The following DSCAM variants were observed in gnomAD, a reference collection of about 807,000 sequenced individuals.
DSCAM encodes DS cell adhesion molecule.
Under a neutral mutation model 217.7 loss-of-function variants are expected in DSCAM, and 47 were observed. That is an observed-to-expected ratio of 0.22 (90% CI 0.17 to 0.28). The LOEUF (loss-of-function observed/expected upper bound fraction) is 0.28, where lower values mean the gene tolerates loss of function less well. DSCAM is among the 10% of genes least tolerant of loss of function. The pLI is 1.00. For synonymous variants in DSCAM, 1,056 were observed against 1,015.3 expected, an observed-to-expected ratio of 1.04 and a Z score of -0.76; for missense variants, 2,080 against 2,618.3, an observed-to-expected ratio of 0.79 and a Z score of 4.49.
At chr21:40,291,251 G>C (rs2073888712) in intron 10 of DSCAM, among the ~76,000 whole-genome samples, 1 of 152,238 alleles carries the variant, frequency 6.6e-6, no homozygotes, top group Admixed American at 6.5e-5. Flanking sequence ...CAGCTCTCCG[G>C]CTGAAATTCC....
intron 11 of DSCAM, among the ~76,000 whole-genome samples, chr21:40,252,890 G>C (rs895188560): frequency 1.3e-5 from 2 of 152,210 alleles, no homozygotes; most frequent in Non-Finnish European, 2.9e-5. Context: ...TGGGTTACTA[G>C]AGAGTGCTAA....
chr21:40,453,765 G>T (rs964880584), intron 3 of DSCAM, among the ~76,000 whole-genome samples: 2 of 152,196 alleles, frequency 1.3e-5, no homozygotes, highest in African/African-American at 2.4e-5. Flanking sequence ...GTTATATAAA[G>T]TACAAACAGT....
intron 3 of DSCAM, among the ~76,000 whole-genome samples, chr21:40,665,048 G>A (rs1264737519): frequency 6.6e-6 from 1 of 152,176 alleles, no homozygotes; most frequent in Non-Finnish European, 1.5e-5. Context: ...ATGATTGCAA[G>A]CTTCCTGAGA....
chr21:40,118,953 T>C (rs1181791653), intron 20 of DSCAM, among the ~76,000 whole-genome samples: 1 of 152,192 alleles, frequency 6.6e-6, no homozygotes, highest in Non-Finnish European at 1.5e-5. Context: ...TTATGACAGA[T>C]TCTGGCTCGT....
intron 1 of DSCAM, among the ~76,000 whole-genome samples, chr21:40,766,559 G>T (rs1388362821): frequency 6.9e-6 from 1 of 145,054 alleles, no homozygotes; most frequent in East Asian, 2.1e-4. Flanking sequence ...TGCTAGAAGA[G>T]CATCAGATGG....
chr21:40,114,597 A>C (rs2089943899), intron 20 of DSCAM, among the ~76,000 whole-genome samples: 2 of 152,224 alleles, frequency 1.3e-5, no homozygotes, highest in South Asian at 2.1e-4. Flanking sequence ...TCTGCACAGC[A>C]AAAGAGACTA....
chr21:40,164,282 G>A (rs981480195), intron 16 of DSCAM, among the ~76,000 whole-genome samples: 18 of 152,036 alleles, frequency 1.2e-4, no homozygotes, highest in Middle Eastern at 3.2e-3. Context: ...GACAGGAGAG[G>A]TAAGCATGTT....
chr21:40,087,855 C>T (rs2089552594), intron 21 of DSCAM, among the ~76,000 whole-genome samples: 1 of 152,286 alleles, frequency 6.6e-6, no homozygotes, highest in African/African-American at 2.4e-5. Flanking sequence ...GATTCAGATG[C>T]CCAAACAGGA....
chr21:40,671,540 C>A (rs2090274470), intron 3 of DSCAM, among the ~76,000 whole-genome samples: 2 of 151,588 alleles, frequency 1.3e-5, no homozygotes, highest in South Asian at 4.2e-4. Flanking sequence ...CAAAAATTAG[C>A]CAGGTGTGGT....
At chr21:40,466,720 T>C (rs993078653) in intron 3 of DSCAM, among the ~76,000 whole-genome samples, 1 of 152,102 alleles carries the variant, frequency 6.6e-6, no homozygotes, top group Non-Finnish European at 1.5e-5. Context: ...TTTCCTCCAA[T>C]TTAAATGCCT....
intron 3 of DSCAM, among the ~76,000 whole-genome samples, chr21:40,495,923 A>C (rs1409712301): frequency 6.6e-6 from 1 of 152,176 alleles, no homozygotes. Context: ...AAATAGTCTC[A>C]TTTTTTACAG....
chr21:40,586,811 C>A lies in DSCAM; in HGVS notation c.508+105999G>T, dbSNP rs111284309. On this transcript the variant is annotated intron_variant, in intron 3 of 32. Transcript: ENST00000400454. The stretch of plus-strand genomic sequence containing the variant: ...CGCAATCCTCAGTTTGTTTCTAAAG[C>A]AAATTTCTGTACCTAACAACACAAT... Among the ~76,000 whole-genome samples, 764 of 152,260 alleles carry A rather than the reference C, an allele frequency of 5.0e-3. 6 individuals are homozygous for A. The highest frequency in any genetic ancestry group is 0.017 in the African/African-American group (714 of 41,542).
At chr21:40,050,096 G>A (rs2088904493) in intron 30 of DSCAM, among the ~76,000 whole-genome samples, 3 of 152,184 alleles carry the variant, frequency 2.0e-5, no homozygotes, top group Admixed American at 6.5e-5. Context: ...GTTTCTCAAT[G>A]TGGGGTCCAA....
rs146875349 is a variant in DSCAM, at chr21:40,017,239, C to T, written c.5687-3853G>A. On this transcript the variant is annotated intron_variant, in intron 32 of 32. Coordinates refer to ENST00000400454, the MANE Select transcript of DSCAM (RefSeq NM_001389.5). ...TACCCGTCTTGAAAATTTTTTTCCG[C>T]GAACAACAGGAGCAATGACCTTATT... Among the ~76,000 whole-genome samples the T allele has an allele frequency of 3.0e-3, 449 of 152,110 alleles. 5 individuals are homozygous for T. Among genetic ancestry groups the T allele is most frequent in the South Asian group, 7.9e-3 (38 of 4,808 alleles).
chr21:40,581,991 G>A (rs572249345), intron 3 of DSCAM, among the ~76,000 whole-genome samples: 40 of 152,242 alleles, frequency 2.6e-4, no homozygotes, highest in East Asian at 1.9e-3. Flanking sequence ...GATCCCATAT[G>A]CTAGGGAGAT....
At chr21:40,497,341 A>G (rs7276640) in intron 3 of DSCAM, among the ~76,000 whole-genome samples, 16,754 of 152,186 alleles carry the variant, frequency 0.11, 971 homozygotes, top group Middle Eastern at 0.17. Flanking sequence ...GCTAAGCTTG[A>G]AGGACATTAT....
chr21:40,447,010 G>A (rs942321800), intron 3 of DSCAM, among the ~76,000 whole-genome samples: 6 of 152,094 alleles, frequency 3.9e-5, no homozygotes, highest in Admixed American at 2.6e-4. Context: ...GTGCCCTCCC[G>A]CTTGGTCACC....
intron 3 of DSCAM, among the ~76,000 whole-genome samples, chr21:40,605,780 T>C (rs1215056400): frequency 1.3e-5 from 2 of 149,114 alleles, no homozygotes; most frequent in South Asian, 2.1e-4. Flanking sequence ...TATATGTGCT[T>C]AATGCACATT....
intron 3 of DSCAM, among the ~76,000 whole-genome samples, chr21:40,623,687 A>G (rs1269888796): frequency 5.3e-5 from 8 of 152,202 alleles, no homozygotes; most frequent in African/African-American, 1.9e-4. Context: ...CTTTGAAAGA[A>G]AGGCCTCTAC....
Sources: gnomAD v4.1 joint callset for allele counts (sites outside exome capture counted in the v4.1 genomes callset) on GRCh38, gnomAD v4.1.1 for gene constraint, MANE v1.5 for transcripts, NCBI Gene and HGNC (gene_info 2026-07-23, HGNC 2026-07-21) for gene names.